TLR5: variants seen among roughly 807,000 people sequenced by gnomAD.
TLR5 encodes toll-like receptor 5.
For missense variants in TLR5, 944 were observed against 999.8 expected, an observed-to-expected ratio of 0.94 and a Z score of 0.75; for synonymous variants, 373 against 384.4, an observed-to-expected ratio of 0.97 and a Z score of 0.35.
chr1:223,124,721 A>C (rs2102904849), intron 5 of TLR5, among the ~76,000 whole-genome samples: 1 of 152,300 alleles, frequency 6.6e-6, no homozygotes, highest in East Asian at 1.9e-4. Context: ...CTCCTGCCTC[A>C]GCCTCCTGAG....
Position 223,112,422 on chromosome 1 carries a change from C to G in TLR5, c.610G>C (p.Ala204Pro). The change falls in exon 6 of 6, where the codon GCA becomes CCA. Residue 204 changes from alanine to proline, a missense_variant. Ala to Pro is a conservative substitution (Grantham distance 27). Coordinates refer to ENST00000642603, the MANE Select transcript of TLR5 (RefSeq NM_003268.6). Reference sequence around the variant, plus strand: ...ACTCTGCTATACAAGCTATTAGCTGCGAGGCTAAAAAAGGAGAGCGTTTTC... The same window carrying G: ...ACTCTGCTATACAAGCTATTAGCTGGGAGGCTAAAAAAGGAGAGCGTTTTC... ...QGKTLSFFSLAANSLYSRVSV... is the reference protein window; with the variant it reads ...QGKTLSFFSLPANSLYSRVSV... 1 of 1,614,166 alleles carries G rather than the reference C, an allele frequency of 6.2e-7. No individual in the cohort carries two copies. Among genetic ancestry groups the G allele is most frequent in the Admixed American group, 1.7e-5 (1 of 60,020 alleles).
At chr1:223,134,124 T>C (rs1294941720) in intron 4 of TLR5, among the ~76,000 whole-genome samples, 3 of 152,186 alleles carry the variant, frequency 2.0e-5, no homozygotes, top group Non-Finnish European at 4.4e-5. Flanking sequence ...AATAAGTTTC[T>C]ACCTCCCACC....
rs1656350297 is a variant in TLR5 at position 223,111,716 on chromosome 1, T to C, written c.1316A>G (p.Asp439Gly). The stretch of plus-strand genomic sequence containing the variant: ...TACCCGTAGGAGAAAGTAGAGAATA[T>C]CTAGATTTTCTAGCCTGTTTTCTGA... The part of the protein sequence containing the change: ...HLSENRLENL[D>G]ILYFLLRVPH... Residue 439 changes from aspartate (D) to glycine (G), a missense_variant, in exon 6 of 6, where the codon GAT becomes GGT. By Grantham distance (94) the Asp-to-Gly change is moderately conservative. Coordinates refer to ENST00000642603, the MANE Select transcript of TLR5 (RefSeq NM_003268.6). The C allele has an allele frequency of 1.2e-6, 2 of 1,614,030 alleles. No homozygotes were observed. Among genetic ancestry groups the C allele is most frequent in the Non-Finnish European group, 1.7e-6 (2 of 1,180,050 alleles).
rs1212718067 is a variant in TLR5 at position 223,112,459 on chromosome 1, C to G, written c.573G>C (p.Glu191Asp). 2 of 1,614,216 alleles carry G rather than the reference C, an allele frequency of 1.2e-6. No homozygotes were observed. Among genetic ancestry groups the G allele is most frequent in the Non-Finnish European group, 1.7e-6 (2 of 1,180,036 alleles). The change falls in exon 6 of 6, where the codon GAG (glutamate) becomes GAC (aspartate). Residue 191 changes from glutamate (E) to aspartate (D), a missense_variant. Glu to Asp is a conservative substitution (Grantham distance 45, BLOSUM62 2). Coordinates refer to ENST00000642603, the MANE Select transcript of TLR5 (RefSeq NM_003268.6). ...QIFLVCEHEL[E>D]PLQGKTLSFF... ...AGGAGAGCGTTTTCCCTTGTAGGGG[C>G]TCGAGCTCATGTTCACATACAAGGA...
chr1:223,122,440 T>C (rs1001232769), intron 5 of TLR5, among the ~76,000 whole-genome samples: 1 of 152,180 alleles, frequency 6.6e-6, no homozygotes, highest in African/African-American at 2.4e-5. Flanking sequence ...TACTCAGTGG[T>C]ACCTGGGGTG....
chr1:223,120,045 G>C lies in TLR5; in HGVS notation c.-4-7010C>G, dbSNP rs72748478. Among the ~76,000 whole-genome samples the C allele has an allele frequency of 1.4e-3, 205 of 142,630 alleles. 1 individual carries two copies. Among genetic ancestry groups the C allele is most frequent in the Non-Finnish European group, 2.6e-3 (170 of 65,082 alleles). The allele number at this position is 142,630 out of a possible 152,430, so 93.6% of individuals were successfully genotyped here. A position where few individuals can be genotyped will look rare whatever the true frequency, so the allele number is the denominator to read the frequency against. ...AAAGATATCAACACAACAGATAGCAGGACCTGAAAGAAATTTAAATATTTT... is the reference window on the plus strand; with the variant it reads ...AAAGATATCAACACAACAGATAGCACGACCTGAAAGAAATTTAAATATTTT... On this transcript the variant is annotated intron_variant, in intron 5 of 5. Coordinates refer to ENST00000642603, the MANE Select transcript of TLR5 (RefSeq NM_003268.6).
At position 223,110,829 on chromosome 1, in the gene TLR5, C is replaced by A. The variant is rs775564535; in HGVS notation, c.2203G>T (p.Val735Phe). Residue 735 changes from valine to phenylalanine, a missense_variant, in exon 6 of 6, where the codon GTC becomes TTC. Transcript: ENST00000642603. ...TTGGCAATGCGGTTTTCTCCTGGGA[C>A]AAAGTCTCTTTCTTCAAAGCACAGG... is the stretch of plus-strand genomic sequence containing the variant. ...FNLCFEERDF[V>F]PGENRIANIQ... is the part of the protein sequence containing the mutation. The A allele has an allele frequency of 3.1e-6, 5 of 1,614,114 alleles. No homozygotes were observed. In the African/African-American group the frequency reaches 6.7e-5, roughly 22 times the overall value.
chr1:223,110,503 C>G lies in TLR5; in HGVS notation c.2529G>C (p.Lys843Asn). ...GCAACGGAATGTTATTGTCTTTCTT[C>G]TTTTCTTTTTCTTTCTTTAGTATCT... Reference protein sequence around the residue: ...SQQILKKEKEKKKDNNIPLQT... With the variant: ...SQQILKKEKENKKDNNIPLQT... Residue 843 changes from lysine to asparagine, a missense_variant, in exon 6 of 6, where the codon AAG becomes AAC. By Grantham distance (94) the Lys-to-Asn change is moderately conservative. Coordinates refer to ENST00000642603, the MANE Select transcript of TLR5 (RefSeq NM_003268.6). The G allele has an allele frequency of 6.2e-7, 1 of 1,614,102 alleles. No homozygotes were observed. The highest frequency in any genetic ancestry group is 8.5e-7 in the Non-Finnish European group (1 of 1,179,990).
chr1:223,121,444 A>G (rs1656950546), intron 5 of TLR5, among the ~76,000 whole-genome samples: 1 of 152,214 alleles, frequency 6.6e-6, no homozygotes, highest in Non-Finnish European at 1.5e-5. Flanking sequence ...GTCTTTTTCC[A>G]CATTCCTTAC....
rs1052878464 is a variant in TLR5 at position 223,110,362 on chromosome 1, A to T, written c.*93T>A. On this transcript the variant is annotated 3_prime_UTR_variant, in exon 6 of 6. Transcript: ENST00000642603. Reference sequence around the variant, plus strand: ...TCATAGTAGCAAAAAGAAAAAAAAAACCTCCAGAGAGGACCCCAAAATGAT... The same window carrying T: ...TCATAGTAGCAAAAAGAAAAAAAAATCCTCCAGAGAGGACCCCAAAATGAT... 1 of 1,359,392 alleles carries T rather than the reference A, an allele frequency of 7.4e-7. No individual in the cohort carries two copies. Among genetic ancestry groups the T allele is most frequent in the African/African-American group, 1.5e-5 (1 of 67,998 alleles). 84.2% of individuals were successfully genotyped at this position (1,359,392 alleles called of 1,614,324 possible).
At chr1:223,137,019 C>T (rs779361199) in intron 3 of TLR5, among the ~76,000 whole-genome samples, 159 bp downstream of exon 3, 1 of 152,058 alleles carries the variant, frequency 6.6e-6, no homozygotes, top group Admixed American at 6.6e-5. Flanking sequence ...AAGTGGGTCT[C>T]GCCATGTTGC....
At chr1:223,120,309 A>AC (rs1656898069) in intron 5 of TLR5, among the ~76,000 whole-genome samples, 1 of 152,126 alleles carries the variant, frequency 6.6e-6, no homozygotes, top group Non-Finnish European at 1.5e-5. Context: ...TTTCTTCACA[A>AC]CCCCTTGATT....
rs568914856 is a variant in TLR5 at position 223,139,487 on chromosome 1, AT to A, written c.-439+2160del. 2.3e-3 allele frequency among the ~76,000 whole-genome samples: 343 copies of A among 152,322 alleles called. 2 individuals are homozygous for A. The highest frequency in any genetic ancestry group is 0.017 in the Middle Eastern group (5 of 294). The stretch of plus-strand genomic sequence containing the variant: ...AACCCAGCCTGAGGGGCCTCTGCAC[AT>A]AGGGGATTCAGATCTGGAGTATTAA... On this transcript the variant is annotated intron_variant, in intron 2 of 5. Coordinates refer to ENST00000642603, the MANE Select transcript of TLR5 (RefSeq NM_003268.6).
At chr1:223,124,860 T>C (rs953249990) in intron 5 of TLR5, among the ~76,000 whole-genome samples, 2 of 152,150 alleles carry the variant, frequency 1.3e-5, no homozygotes, top group African/African-American at 4.8e-5. Flanking sequence ...TGCCTCAGCC[T>C]TCAGAATTGC....
intron 5 of TLR5, among the ~76,000 whole-genome samples, chr1:223,118,149 T>C (rs1001290943): frequency 6.6e-6 from 1 of 152,216 alleles, no homozygotes; most frequent in African/African-American, 2.4e-5. Context: ...ACATTTAAGA[T>C]ATACATTGGT....
chr1:223,112,459 C>T lies in TLR5; in HGVS notation c.573G>A (p.Glu191=). The T allele has an allele frequency of 6.2e-7, 1 of 1,614,216 alleles. No homozygotes were observed. The change falls in exon 6 of 6, where the codon GAG becomes GAA. Residue 191 remains glutamate (E), a synonymous_variant. Coordinates refer to ENST00000642603, the MANE Select transcript of TLR5 (RefSeq NM_003268.6). The part of the protein sequence containing the change: ...QIFLVCEHEL[E]PLQGKTLSFF... The stretch of plus-strand genomic sequence containing the variant: ...AGGAGAGCGTTTTCCCTTGTAGGGG[C>T]TCGAGCTCATGTTCACATACAAGGA...
rs1657442145 is a variant in TLR5 at position 223,132,657 on chromosome 1, A to G, written c.-169-18T>C. 6.6e-6 allele frequency: 1 copy of G among 152,392 alleles called. No individual in the cohort carries two copies. Among genetic ancestry groups the G allele is most frequent in the Admixed American group, 6.5e-5 (1 of 15,282 alleles). 9.4% of individuals were successfully genotyped at this position (152,392 alleles called of 1,614,324 possible). ...TTGTTTTCCTAAGGGAAAATAGGAA[A>G]GCTAATTAAGAAGAAGAAACAAAAA... is the stretch of plus-strand genomic sequence containing the variant. On this transcript the variant is annotated intron_variant, in intron 4 of 5. Transcript: ENST00000642603.
At chr1:223,124,143 G>A (rs1657064739) in intron 5 of TLR5, among the ~76,000 whole-genome samples, 1 of 152,152 alleles carries the variant, frequency 6.6e-6, no homozygotes, top group South Asian at 2.1e-4. Flanking sequence ...CTTAACAGTG[G>A]CCTATAAAGA....
chr1:223,138,683 T>C (rs1281008238), intron 2 of TLR5, among the ~76,000 whole-genome samples: 1 of 152,184 alleles, frequency 6.6e-6, no homozygotes, highest in Non-Finnish European at 1.5e-5. Flanking sequence ...AACAAAAAAA[T>C]TTTTGCGTAG....
Sources: gnomAD v4.1 joint callset for allele counts (sites outside exome capture counted in the v4.1 genomes callset) on GRCh38, gnomAD v4.1.1 for gene constraint, MANE v1.5 for transcripts, NCBI Gene and HGNC (gene_info 2026-07-23, HGNC 2026-07-21) for gene names.